APCDD1: variants seen among roughly 807,000 people sequenced by gnomAD.
The protein encoded by APCDD1 is protein APCDD1.
Under a neutral mutation model 38.1 loss-of-function variants are expected in APCDD1, and 15 were observed. The ratio of observed to expected loss-of-function variants is 0.39; its 90% CI spans 0.26 to 0.61. The LOEUF (loss-of-function observed/expected upper bound fraction) is 0.61. APCDD1 is among the 20% of genes least tolerant of loss of function. The pLI is 0.49. For missense variants in APCDD1, 647 were observed against 696.2 expected (o/e 0.93, Z 0.79); for synonymous variants, 261 against 279.7 (o/e 0.93, Z 0.67).
rs116328641 is a variant in APCDD1, at chr18:10,471,768, G to A, written c.481G>A (p.Glu161Lys). ...GATCTGCCACACAGAGGCGGTGGCC[G>A]AGAAGCTCGGCCAGCAGGTGAACCG... is the stretch of plus-strand genomic sequence containing the variant. Reference protein sequence around the residue: ...QVICHTEAVAEKLGQQVNRTC... With the variant: ...QVICHTEAVAKKLGQQVNRTC... Residue 161 changes from glutamate to lysine, a missense_variant, in exon 3 of 5, where the codon GAG becomes AAG. By Grantham distance (56) the Glu-to-Lys change is moderately conservative. Transcript: ENST00000355285. The surrounding 1 kb of genome is among the most constrained non-coding windows in gnomAD (Gnocchi z 5.5). The A allele has an allele frequency of 2.9e-5, 46 of 1,612,980 alleles. No individual in the cohort carries two copies. In the African/African-American group the frequency reaches 2.9e-4, roughly 10 times the overall value.
chr18:10,460,568 A>T (rs1401982371), intron 1 of APCDD1, among the ~76,000 whole-genome samples: 3 of 152,088 alleles, frequency 2.0e-5, no homozygotes, highest in Non-Finnish European at 4.4e-5. Flanking sequence ...AAGCAAAAAA[A>T]ACTTTATTGA....
rs1192280468 is a variant in APCDD1, at chr18:10,467,378, G to T, written c.59-1091G>T. Among the ~76,000 whole-genome samples the T allele has an allele frequency of 2.6e-5, 4 of 152,206 alleles. No individual in the cohort carries two copies. The highest frequency in any genetic ancestry group is 5.9e-5 in the Non-Finnish European group (4 of 68,030). ...TGTATATTTAAAAAAAGTTTGTACA[G>T]TTGTCTAACTAGTGTCTTTTCTGCT... On this transcript the variant is annotated intron_variant, in intron 1 of 4. Transcript: ENST00000355285. This position sits in a 1 kb window ranked among gnomAD's most constrained non-coding sequence, Gnocchi z 4.8.
chr18:10,468,424 G>C (rs368936130), intron 1 of APCDD1, 45 bp from the exon 2 acceptor site: 4 of 1,606,646 alleles, frequency 2.5e-6, no homozygotes, highest in Non-Finnish European at 3.4e-6. Flanking sequence ...ATTCATGTCT[G>C]CTGCTACTTC....
At position 10,471,643 on chromosome 18, in the gene APCDD1, C is replaced by T; in HGVS notation, c.356C>T (p.Thr119Ile). The part of the protein sequence containing the change: ...YYGSNRCTNP[T>I]YTLIIRGKIR... ...GGCAGCAACCGGTGCACAAATCCCA[C>T]TTATACTCTCATCATCCGGGGCAAG... Residue 119 changes from threonine (T) to isoleucine (I), a missense_variant, in exon 3 of 5, where the codon ACT becomes ATT. Physicochemically the swap from Thr to Ile is moderately conservative, Grantham distance 89. Transcript: ENST00000355285. This position sits in a 1 kb window ranked among gnomAD's most constrained non-coding sequence, Gnocchi z 5.5. The T allele has an allele frequency of 6.2e-7, 1 of 1,614,218 alleles. No homozygotes were observed. The highest frequency in any genetic ancestry group is 1.3e-5 in the African/African-American group (1 of 75,054).
At chr18:10,478,878 G>T (rs520593) in intron 3 of APCDD1, among the ~76,000 whole-genome samples, 1 of 152,098 alleles carries the variant, frequency 6.6e-6, no homozygotes, top group African/African-American at 2.4e-5. Flanking sequence ...TAGAATCCCA[G>T]ATAGGAAAAG....
chr18:10,462,643 CTCCTTCCTTCCTTCCTTCCT>C (rs765196609), intron 1 of APCDD1, among the ~76,000 whole-genome samples: 7 of 15,806 alleles, frequency 4.4e-4, no homozygotes, highest in African/African-American at 3.1e-3. Context: ...CCTTCCCTCC[CTCCTTCCTTCCTTCCTTCCT>C]TCCTTCCTTC....
rs2030840768 is a variant in APCDD1, at chr18:10,471,114, C to A, written c.243-416C>A. On this transcript the variant is annotated intron_variant, in intron 2 of 4. Transcript: ENST00000355285. This position sits in a 1 kb window ranked among gnomAD's most constrained non-coding sequence, Gnocchi z 5.5. ...TAAGGGAACTTCTTTTATAGGCCAG[C>A]ACAGCACTCATCCTCCTTATCCAGA... is the stretch of plus-strand genomic sequence containing the variant. 6.6e-6 allele frequency among the ~76,000 whole-genome samples: 1 copy of A among 152,218 alleles called. No homozygotes were observed. Among genetic ancestry groups the A allele is most frequent in the Non-Finnish European group, 1.5e-5 (1 of 68,032 alleles).
rs1166108858 is a variant in APCDD1, at chr18:10,470,433, A to G, written c.243-1097A>G. On this transcript the variant is annotated intron_variant, in intron 2 of 4. Coordinates refer to ENST00000355285, the MANE Select transcript of APCDD1 (RefSeq NM_153000.5). This position sits in a 1 kb window ranked among gnomAD's most constrained non-coding sequence, Gnocchi z 4.1. Reference sequence around the variant, plus strand: ...ATCAGTTGTCAAACGTTACATAGCAACGGTACCCCTGTCTAAATAATGCTT... The same window carrying G: ...ATCAGTTGTCAAACGTTACATAGCAGCGGTACCCCTGTCTAAATAATGCTT... 6.6e-6 allele frequency among the ~76,000 whole-genome samples: 1 copy of G among 152,212 alleles called. No homozygotes were observed. Among genetic ancestry groups the G allele is most frequent in the Non-Finnish European group, 1.5e-5 (1 of 68,038 alleles).
chr18:10,472,221 A>G lies in APCDD1; in HGVS notation c.774+160A>G, dbSNP rs2030879772. Among the ~76,000 whole-genome samples, 1 of 152,122 alleles carries G rather than the reference A, an allele frequency of 6.6e-6. No homozygotes were observed. Among genetic ancestry groups the G allele is most frequent in the South Asian group, 2.1e-4 (1 of 4,824 alleles). On this transcript the variant is annotated intron_variant, in intron 3 of 4. Coordinates refer to ENST00000355285, the MANE Select transcript of APCDD1 (RefSeq NM_153000.5). The surrounding 1 kb of genome is among the most constrained non-coding windows in gnomAD (Gnocchi z 6.6). The stretch of plus-strand genomic sequence containing the variant: ...GCTGCGAGGTGGGAGGAGATGGGAA[A>G]GGCTGGGGCTGAGGGTGCTTTAGCC...
rs531220888 is a variant in APCDD1, at chr18:10,485,375, T to G, written c.775-87T>G. ...TTGTCAGTGATGGTGATCTGGTGCC[T>G]GGTGAGACCCCATTTGCCGGAAGCA... On this transcript the variant is annotated intron_variant, in intron 3 of 4. Coordinates refer to ENST00000355285, the MANE Select transcript of APCDD1 (RefSeq NM_153000.5). The surrounding 1 kb of genome is among the most constrained non-coding windows in gnomAD (Gnocchi z 5.8). 16 of 1,460,314 alleles carry G rather than the reference T, an allele frequency of 1.1e-5. No homozygotes were observed. The Admixed American group carries it at 1.5e-4, about 14-fold the overall frequency. The allele number at this position is 1,460,314 out of a possible 1,614,324, so 90.5% of individuals were successfully genotyped here. A position where few individuals can be genotyped will look rare whatever the true frequency, so the allele number is the denominator to read the frequency against.
chr18:10,485,382 A>G lies in APCDD1; in HGVS notation c.775-80A>G. ...TGATGGTGATCTGGTGCCTGGTGAGACCCCATTTGCCGGAAGCATGTGTGC... is the reference window on the plus strand; with the variant it reads ...TGATGGTGATCTGGTGCCTGGTGAGGCCCCATTTGCCGGAAGCATGTGTGC... On this transcript the variant is annotated intron_variant, in intron 3 of 4. Coordinates refer to ENST00000355285, the MANE Select transcript of APCDD1 (RefSeq NM_153000.5). This position sits in a 1 kb window ranked among gnomAD's most constrained non-coding sequence, Gnocchi z 5.8. 6.7e-7 allele frequency: 1 copy of G among 1,499,868 alleles called. No homozygotes were observed. Among genetic ancestry groups the G allele is most frequent in the Non-Finnish European group, 9.2e-7 (1 of 1,086,332 alleles). The allele number at this position is 1,499,868 out of a possible 1,614,324, so 92.9% of individuals were successfully genotyped here. A position where few individuals can be genotyped will look rare whatever the true frequency, so the allele number is the denominator to read the frequency against.
In APCDD1 at chr18:10,469,679, C is replaced by T. The variant is rs894932606; in HGVS notation, c.242+1027C>T. Among the ~76,000 whole-genome samples, 2 of 151,964 alleles carry T rather than the reference C, an allele frequency of 1.3e-5. No individual in the cohort carries two copies. The highest frequency in any genetic ancestry group is 3.9e-4 in the East Asian group (2 of 5,190). ...TGCTAAAAGAGAATACCAGGGGGCC[C>T]CATTTTAAAATCAGGGCGGAGTTCA... On this transcript the variant is annotated intron_variant, in intron 2 of 4. Coordinates refer to ENST00000355285, the MANE Select transcript of APCDD1 (RefSeq NM_153000.5). This position sits in a 1 kb window ranked among gnomAD's most constrained non-coding sequence, Gnocchi z 5.5.
At chr18:10,455,936 A>C (rs1482964464) in intron 1 of APCDD1, among the ~76,000 whole-genome samples, 1 of 152,184 alleles carries the variant, frequency 6.6e-6, no homozygotes, top group East Asian at 1.9e-4. Flanking sequence ...CCTAATGGTC[A>C]GACACCTGAC....
At chr18:10,468,998 T>C (rs189358401) in intron 2 of APCDD1, among the ~76,000 whole-genome samples, 38 of 152,296 alleles carry the variant, frequency 2.5e-4, no homozygotes, top group African/African-American at 9.1e-4. Context: ...GCCTGAAACA[T>C]GACTTGCAAG....
chr18:10,465,084 A>G (rs1335749059), intron 1 of APCDD1, among the ~76,000 whole-genome samples: 1 of 152,118 alleles, frequency 6.6e-6, no homozygotes, highest in African/African-American at 2.4e-5. Flanking sequence ...AGGCTTGGAG[A>G]GTTAAGTGAT....
chr18:10,460,142 G>A (rs1233366275), intron 1 of APCDD1, among the ~76,000 whole-genome samples: 9 of 152,192 alleles, frequency 5.9e-5, no homozygotes, highest in Non-Finnish European at 1.2e-4. Context: ...AAATAGATCA[G>A]AACTTTTGAT....
In APCDD1 at chr18:10,488,325, A is replaced by G; in HGVS notation, c.*287A>G. Reference sequence around the variant, plus strand: ...TGGACGAGCGTGTTTGGTAGCAGGGATGAAAGCTAGGGCCTCTTATTTTTT... The same window carrying G: ...TGGACGAGCGTGTTTGGTAGCAGGGGTGAAAGCTAGGGCCTCTTATTTTTT... On this transcript the variant is annotated 3_prime_UTR_variant, in exon 5 of 5. Coordinates refer to ENST00000355285, the MANE Select transcript of APCDD1 (RefSeq NM_153000.5). 1 of 381,086 alleles carries G rather than the reference A, an allele frequency of 2.6e-6. No individual in the cohort carries two copies. 23.6% of individuals were successfully genotyped at this position (381,086 alleles called of 1,614,324 possible).
chr18:10,471,064 G>T lies in APCDD1; in HGVS notation c.243-466G>T, dbSNP rs1376652049. 1.3e-5 allele frequency among the ~76,000 whole-genome samples: 2 copies of T among 152,226 alleles called. No individual in the cohort carries two copies. Among genetic ancestry groups the T allele is most frequent in the African/African-American group, 4.8e-5 (2 of 41,460 alleles). ...AGGTCCATAAAATAAAAGTGTTCAG[G>T]AAGTCGACCGTTTTTGAACTAGCGT... is the stretch of plus-strand genomic sequence containing the variant. On this transcript the variant is annotated intron_variant, in intron 2 of 4. Coordinates refer to ENST00000355285, the MANE Select transcript of APCDD1 (RefSeq NM_153000.5). The surrounding 1 kb of genome is among the most constrained non-coding windows in gnomAD (Gnocchi z 5.5).
chr18:10,471,858 C>T lies in APCDD1; in HGVS notation c.571C>T (p.Arg191Ter), dbSNP rs766947286. 12 of 1,614,166 alleles carry T rather than the reference C, an allele frequency of 7.4e-6. No homozygotes were observed. The highest frequency in any genetic ancestry group is 6.7e-5 in the Admixed American group (4 of 60,028). Residue 191 changes from arginine to a stop codon, truncating the protein, a stop_gained, in exon 3 of 5, where the codon CGA (arginine) becomes TGA (stop). Transcript: ENST00000355285. LOFTEE classifies it high-confidence loss of function. The surrounding 1 kb of genome is among the most constrained non-coding windows in gnomAD (Gnocchi z 5.5). ...WVQDVAYDLW[R>*]EENGCECTKA... ...GCAGGACGTGGCCTATGACCTCTGGCGAGAGGAGAACGGCTGTGAGTGCAC... is the reference window on the plus strand; with the variant it reads ...GCAGGACGTGGCCTATGACCTCTGGTGAGAGGAGAACGGCTGTGAGTGCAC...
Sources: gnomAD v4.1 joint callset for allele counts (sites outside exome capture counted in the v4.1 genomes callset) on GRCh38, gnomAD v4.1.1 for gene constraint, Gnocchi (gnomAD v3.1) non-coding constraint, MANE v1.5 for transcripts, NCBI Gene and HGNC (gene_info 2026-07-23, HGNC 2026-07-21) for gene names.